CHMP4C: variants seen among roughly 807,000 people sequenced by gnomAD.
CHMP4C encodes the protein SNF7 homolog associated with Alix 3.
A neutral mutation model predicts 29.0 loss-of-function variants in CHMP4C; 28 were observed. The observed-to-expected ratio is 0.97, with a 90% confidence interval of 0.72 to 1.32. CHMP4C has a LOEUF of 1.32. CHMP4C is among the 40% of genes most tolerant of loss of function. The probability of loss-of-function intolerance (pLI) is 0.00; values close to 1 mark genes in which losing one functional copy is unlikely to be tolerated. For missense variants in CHMP4C, 291 were observed against 281.0 expected (o/e 1.04, Z -0.25); for synonymous variants, 106 against 102.4 (o/e 1.04, Z -0.21).
chr8:81,734,549 C>T (rs529097446), intron 1 of CHMP4C, among the ~76,000 whole-genome samples: 6 of 152,234 alleles, frequency 3.9e-5, no homozygotes, highest in South Asian at 4.1e-4. Flanking sequence ...AGACTGGTCT[C>T]GAACTCCTGA....
intron 1 of CHMP4C, among the ~76,000 whole-genome samples, chr8:81,747,425 C>T (rs561694639): frequency 5.0e-4 from 75 of 151,478 alleles, no homozygotes; most frequent in Admixed American, 6.6e-4. Context: ...ACCAGCCTGA[C>T]GAGATAGGGA....
intron 4 of CHMP4C, 37 bp downstream of exon 4, chr8:81,758,332 T>C (rs776135393): frequency 6.2e-7 from 1 of 1,609,378 alleles, no homozygotes; most frequent in African/African-American, 1.3e-5. Flanking sequence ...GGTCAGATAG[T>C]TGCCTAAAAT....
At chr8:81,746,764 G>A (rs117592895) in intron 1 of CHMP4C, among the ~76,000 whole-genome samples, 2 of 152,246 alleles carry the variant, frequency 1.3e-5, no homozygotes, top group South Asian at 2.1e-4. Context: ...TGCTAACATA[G>A]GTGTTTAAAA....
At chr8:81,753,884 T>G (rs1179495105) in intron 2 of CHMP4C, among the ~76,000 whole-genome samples, 1 of 152,090 alleles carries the variant, frequency 6.6e-6, no homozygotes, top group Non-Finnish European at 1.5e-5. Context: ...AATGAGATAC[T>G]AGATATAATG....
chr8:81,740,050 T>G (rs9298374), intron 1 of CHMP4C, among the ~76,000 whole-genome samples: 1,606 of 152,376 alleles, frequency 0.011, 27 homozygotes, highest in African/African-American at 0.037. Context: ...CTATTTCTTT[T>G]AGTTAAATTA....
chr8:81,755,308 A>G (rs1344934331), intron 2 of CHMP4C, 62 bp from the exon 3 acceptor site: 9 of 844,556 alleles, frequency 1.1e-5, no homozygotes, highest in Non-Finnish European at 1.7e-5. Context: ...ATATAGGATT[A>G]TATCTAAATT....
chr8:81,734,981 A>T (rs368297346), intron 1 of CHMP4C, among the ~76,000 whole-genome samples: 1 of 151,322 alleles, frequency 6.6e-6, no homozygotes, highest in Non-Finnish European at 1.5e-5. Flanking sequence ...GCAGCTTCCA[A>T]CTCCTGGGTT....
chr8:81,745,436 A>C (rs1031615665), intron 1 of CHMP4C, among the ~76,000 whole-genome samples: 1 of 152,208 alleles, frequency 6.6e-6, no homozygotes, highest in African/African-American at 2.4e-5. Flanking sequence ...AACAATGTGC[A>C]CATTTATCCA....
intron 1 of CHMP4C, 50 bp downstream of exon 1, chr8:81,732,866 TC>T (rs1482882458): frequency 6.5e-7 from 1 of 1,548,786 alleles, no homozygotes; most frequent in Non-Finnish European, 8.8e-7. Flanking sequence ...CTCTAGCCTT[TC>T]CCTTGGGGAC....
chr8:81,748,886 C>T (rs2130488654), intron 1 of CHMP4C, among the ~76,000 whole-genome samples: 1 of 145,770 alleles, frequency 6.9e-6, no homozygotes, highest in Middle Eastern at 3.6e-3. Context: ...AAGATCGCGC[C>T]ACTGCACTCC....
chr8:81,757,785 C>T (rs1453650655), intron 3 of CHMP4C, among the ~76,000 whole-genome samples: 1 of 152,086 alleles, frequency 6.6e-6, no homozygotes, highest in Non-Finnish European at 1.5e-5. Context: ...CATTTATTTC[C>T]ACCAGTTAAC....
chr8:81,740,255 A>G (rs1808746164), intron 1 of CHMP4C, among the ~76,000 whole-genome samples: 1 of 152,202 alleles, frequency 6.6e-6, no homozygotes, highest in Admixed American at 6.5e-5. Flanking sequence ...GACCAGTTTC[A>G]TGGAAGACAA....
At chr8:81,737,831 T>A (rs995379820) in intron 1 of CHMP4C, among the ~76,000 whole-genome samples, 1 of 152,242 alleles carries the variant, frequency 6.6e-6, no homozygotes, top group Non-Finnish European at 1.5e-5. Context: ...TATAAACTAA[T>A]TACATTTTAA....
Position 81,758,893 on chromosome 8 carries a change from T to C in CHMP4C, c.*349T>C. 5.5e-6 allele frequency: 1 copy of C among 182,404 alleles called. No individual in the cohort carries two copies. Among genetic ancestry groups the C allele is most frequent in the Non-Finnish European group, 1.1e-5 (1 of 87,938 alleles). 11.3% of individuals were successfully genotyped at this position (182,404 alleles called of 1,614,324 possible). ...GCAGGCACCTGTAATCCCAGCTACT[T>C]GGGAGGCTGAGTCAGGAGAATCGCT... On this transcript the variant is annotated 3_prime_UTR_variant, in exon 5 of 5. Transcript: ENST00000297265.
chr8:81,752,116 A>G (rs951055235), intron 1 of CHMP4C, among the ~76,000 whole-genome samples: 2 of 152,168 alleles, frequency 1.3e-5, no homozygotes, highest in African/African-American at 4.8e-5. Context: ...GGACGAAAAC[A>G]GTTAGAAGAG....
At chr8:81,749,179 G>A (rs1205289193) in intron 1 of CHMP4C, among the ~76,000 whole-genome samples, 1 of 150,742 alleles carries the variant, frequency 6.6e-6, no homozygotes, top group Admixed American at 6.6e-5. Context: ...TTTGCACTCT[G>A]GTGTTGAAAG....
intron 1 of CHMP4C, among the ~76,000 whole-genome samples, chr8:81,733,957 A>C (rs1349849078): frequency 6.6e-6 from 1 of 152,202 alleles, no homozygotes; most frequent in African/African-American, 2.4e-5. Context: ...GATGAACTTG[A>C]GAACTCTGCC....
At chr8:81,743,679 A>G (rs994881742) in intron 1 of CHMP4C, among the ~76,000 whole-genome samples, 61 of 152,102 alleles carry the variant, frequency 4.0e-4, no homozygotes, top group African/African-American at 1.4e-3. Flanking sequence ...TCCTTTTTTG[A>G]CAACTCAAGG....
At chr8:81,746,068 C>T (rs758187648) in intron 1 of CHMP4C, among the ~76,000 whole-genome samples, 3 of 152,224 alleles carry the variant, frequency 2.0e-5, no homozygotes, top group African/African-American at 4.8e-5. Context: ...GTGGCATCAT[C>T]GTTTCATATA....
Sources: allele counts gnomAD v4.1 joint callset (sites outside exome capture counted in the v4.1 genomes callset), GRCh38; gene constraint gnomAD v4.1.1; transcripts MANE v1.5; gene names NCBI Gene and HGNC (gene_info 2026-07-23, HGNC 2026-07-21).